Variants in ROBO1 observed in about 807,000 individuals in gnomAD.
ROBO1 encodes roundabout guidance receptor 1.
Under a neutral mutation model 195.9 loss-of-function variants are expected in ROBO1, and 149 were observed. That is an observed-to-expected ratio of 0.76 (90% CI 0.67 to 0.87). The LOEUF (loss-of-function observed/expected upper bound fraction) is 0.87. Ranked by LOEUF, ROBO1 falls within the 40% of genes least tolerant of loss-of-function variation. The pLI, the probability that ROBO1 is intolerant of heterozygous loss-of-function variation, is 0.00. For missense variants in ROBO1, 1,933 were observed against 2,068.3 expected, an observed-to-expected ratio of 0.93 and a Z score of 1.27; for synonymous variants, 816 against 733.2, an observed-to-expected ratio of 1.11 and a Z score of -1.82.
At chr3:79,259,723 G>T (rs912023842) in intron 2 of ROBO1, among the ~76,000 whole-genome samples, 8 of 151,896 alleles carry the variant, frequency 5.3e-5, no homozygotes, top group Non-Finnish European at 1.0e-4. Flanking sequence ...AACTCTATAA[G>T]AAAAAATCTA....
intron 2 of ROBO1, among the ~76,000 whole-genome samples, chr3:79,538,590 C>A (rs979076439): frequency 2.6e-5 from 4 of 152,092 alleles, no homozygotes; most frequent in Non-Finnish European, 5.9e-5. Context: ...ACATGGCAGA[C>A]CCTGGCACAT....
intron 10 of ROBO1, among the ~76,000 whole-genome samples, chr3:78,674,502 C>T (rs551392105): frequency 1.8e-4 from 28 of 152,276 alleles, no homozygotes; most frequent in African/African-American, 6.7e-4. Context: ...TATCAATAAG[C>T]TCCAAAATAA....
chr3:79,100,405 T>C (rs2079653984), intron 3 of ROBO1, among the ~76,000 whole-genome samples: 1 of 151,696 alleles, frequency 6.6e-6, no homozygotes, highest in Non-Finnish European at 1.5e-5. Flanking sequence ...TTTTTTTCCC[T>C]AAACCATATT....
chr3:79,588,616 CT>C (rs1943902495), intron 2 of ROBO1, among the ~76,000 whole-genome samples: 1 of 151,602 alleles, frequency 6.6e-6, no homozygotes, highest in Non-Finnish European at 1.5e-5. Flanking sequence ...TTTGCATTTT[CT>C]ATATATTTAA....
chr3:79,692,904 G>A (rs971624886), intron 1 of ROBO1, among the ~76,000 whole-genome samples: 1 of 151,662 alleles, frequency 6.6e-6, no homozygotes. Context: ...CCCAAACACA[G>A]AATTCATTTA....
Position 79,643,423 on chromosome 3 carries a change from C to A in ROBO1, c.-50-53462G>T, listed in dbSNP as rs377160989. On this transcript the variant is annotated intron_variant, in intron 1 of 30. Transcript: ENST00000464233. ...AACTCCCGTTCATATATACATCTAT[C>A]CTATTAGTTCTACCTCTCTAGAAAA... 6.6e-5 allele frequency among the ~76,000 whole-genome samples: 10 copies of A among 152,204 alleles called. No individual in the cohort carries two copies. The South Asian group carries it at 1.0e-3, about 16-fold the overall frequency.
chr3:79,423,053 G>T (rs957759174), intron 2 of ROBO1, among the ~76,000 whole-genome samples: 4 of 152,004 alleles, frequency 2.6e-5, no homozygotes, highest in African/African-American at 9.7e-5. Context: ...GATATATCCT[G>T]AAATAAACAT....
intron 2 of ROBO1, among the ~76,000 whole-genome samples, chr3:79,419,631 C>T (rs1172908467): frequency 1.3e-5 from 2 of 152,026 alleles, no homozygotes; most frequent in East Asian, 3.9e-4. Flanking sequence ...GGTTTGGGCC[C>T]TCTGATGACA....
chr3:78,763,925 G>C (rs333485), intron 4 of ROBO1, among the ~76,000 whole-genome samples: 2 of 152,154 alleles, frequency 1.3e-5, no homozygotes, highest in African/African-American at 4.8e-5. Context: ...GTTAGTGTAT[G>C]AAGTAAAAGT....
intron 2 of ROBO1, among the ~76,000 whole-genome samples, chr3:79,321,807 C>G (rs910159278): frequency 6.6e-6 from 1 of 152,124 alleles, no homozygotes; most frequent in African/African-American, 2.4e-5. Flanking sequence ...ATGCATGGGT[C>G]CATGTCCGTA....
At chr3:79,061,335 C>T (rs935129485) in intron 3 of ROBO1, among the ~76,000 whole-genome samples, 4 of 152,110 alleles carry the variant, frequency 2.6e-5, no homozygotes, top group African/African-American at 7.2e-5. Flanking sequence ...TAAACCACTG[C>T]TCAACGAAAT....
intron 2 of ROBO1, among the ~76,000 whole-genome samples, chr3:79,232,593 C>CCACA (rs1576849396): frequency 1.3e-5 from 2 of 151,942 alleles, no homozygotes; most frequent in Non-Finnish European, 2.9e-5. Context: ...TTCTAAAGAA[C>CCACA]CACAGAAGAT....
rs182248040 is a variant in ROBO1 at position 78,842,163 on chromosome 3, C to T, written c.500-95263G>A. Reference sequence around the variant, plus strand: ...TGTTTTTTTTTTTTTTTTGCGCACACACACACGTACTATATATATATATTT... The same window carrying T: ...TGTTTTTTTTTTTTTTTTGCGCACATACACACGTACTATATATATATATTT... On this transcript the variant is annotated intron_variant, in intron 4 of 30. Transcript: ENST00000464233. Among the ~76,000 whole-genome samples, 86 of 130,032 alleles carry T rather than the reference C, an allele frequency of 6.6e-4. 1 individual carries two copies. The highest frequency in any genetic ancestry group is 2.3e-3 in the African/African-American group (77 of 34,078). 85.3% of individuals were successfully genotyped at this position (130,032 alleles called of 152,430 possible).
chr3:78,670,114 C>T lies in ROBO1; in HGVS notation c.1530G>A (p.Leu510=). 1 of 1,613,036 alleles carries T rather than the reference C, an allele frequency of 6.2e-7. No individual in the cohort carries two copies. The highest frequency in any genetic ancestry group is 8.5e-7 in the Non-Finnish European group (1 of 1,179,360). The change falls in exon 11 of 31, where the codon CTG becomes CTA. Residue 510 remains leucine (L), a synonymous_variant. Coordinates refer to ENST00000464233, the MANE Select transcript of ROBO1 (RefSeq NM_002941.4). The stretch of plus-strand genomic sequence containing the variant: ...AAGTTACCTTAGCATATCGGATCTG[C>T]AGTACTCCATTCTCCAACTGTTTGA... The part of the protein sequence containing the change: ...SRIKQLENGV[L]QIRYAKLGDT...
chr3:79,314,253 A>G (rs2109104745), intron 2 of ROBO1, among the ~76,000 whole-genome samples: 1 of 152,302 alleles, frequency 6.6e-6, no homozygotes, highest in African/African-American at 2.4e-5. Flanking sequence ...AACCTGATGT[A>G]AGACTGATAG....
chr3:79,118,892 T>C (rs1453682839), intron 3 of ROBO1, among the ~76,000 whole-genome samples: 1 of 150,938 alleles, frequency 6.6e-6, no homozygotes, highest in Non-Finnish European at 1.5e-5. Flanking sequence ...TTTGAAGCAA[T>C]CTCTCCACAG....
rs117043970 is a variant in ROBO1 at position 78,909,140 on chromosome 3, T to C, written c.499+29461A>G. Among the ~76,000 whole-genome samples the C allele has an allele frequency of 2.4e-4, 36 of 151,952 alleles. No individual in the cohort carries two copies. In the East Asian group the frequency reaches 6.6e-3, roughly 28 times the overall value. ...GGAGCTCTCCATTGCGGAAATAATG[T>C]TTAGCATGAGTATTTCTATTTATCT... On this transcript the variant is annotated intron_variant, in intron 4 of 30. Coordinates refer to ENST00000464233, the MANE Select transcript of ROBO1 (RefSeq NM_002941.4).
At chr3:79,553,175 G>T (rs951130017) in intron 2 of ROBO1, among the ~76,000 whole-genome samples, 1 of 151,794 alleles carries the variant, frequency 6.6e-6, no homozygotes, top group Non-Finnish European at 1.5e-5. Flanking sequence ...AGTGAGATTC[G>T]ACACCTCCAT....
intron 2 of ROBO1, among the ~76,000 whole-genome samples, chr3:79,201,427 T>C (rs1286943511): frequency 1.3e-5 from 2 of 152,030 alleles, no homozygotes; most frequent in African/African-American, 4.8e-5. Flanking sequence ...CTATTAAATA[T>C]GTTATGTGTA....
Sources: allele counts gnomAD v4.1 joint callset (sites outside exome capture counted in the v4.1 genomes callset), GRCh38; gene constraint gnomAD v4.1.1; transcripts MANE v1.5; gene names NCBI Gene and HGNC (gene_info 2026-07-23, HGNC 2026-07-21).